The following MAP3K15 variants were observed in gnomAD, a reference collection of about 807,000 sequenced individuals.
The protein encoded by MAP3K15 is mitogen-activated protein kinase kinase kinase 15.
MAP3K15 carries 124 observed loss-of-function variants against 99.5 expected under a neutral mutation model. That is an observed-to-expected ratio of 1.25 (90% CI 1.08 to 1.45). MAP3K15 has a LOEUF of 1.45. Ranked by LOEUF, MAP3K15 falls within the 40% of genes most tolerant of loss-of-function variation. MAP3K15 has a pLI of 0.00. For missense variants in MAP3K15, 1,242 were observed against 1,079.7 expected, an observed-to-expected ratio of 1.15 and a Z score of -2.11; for synonymous variants, 494 against 439.6, an observed-to-expected ratio of 1.12 and a Z score of -1.55.
chrX:19,373,107 T>G (rs1269628515), intron 21 of MAP3K15: 222 of 115,974 alleles, frequency 1.9e-3, no homozygotes, highest in African/African-American at 5.1e-3. Context: ...GAAGGAGAGG[T>G]GAGGGAGGGA....
intron 16 of MAP3K15, among the ~76,000 whole-genome samples, chrX:19,394,785 GTTGCTTTTTTTTTTT>G: frequency 2.2e-5 from 1 of 45,645 alleles, no homozygotes; most frequent in African/African-American, 9.1e-5. Context: ...TAAAGGGTCT[GTTGCTTTTTTTTTTT>G]TTTTTTTTTT....
chrX:19,473,764 T>C (rs1206782145), intron 3 of MAP3K15, among the ~76,000 whole-genome samples: 1 of 111,893 alleles, frequency 8.9e-6, no homozygotes, highest in African/African-American at 3.2e-5. Flanking sequence ...CCAGAACTAC[T>C]ACCATCTACA....
At chrX:19,411,968 A>T (rs1569214915) in intron 11 of MAP3K15, among the ~76,000 whole-genome samples, 1 of 112,210 alleles carries the variant, frequency 8.9e-6, no homozygotes, top group Non-Finnish European at 1.9e-5. Flanking sequence ...GAAAGCCAGC[A>T]AATCACATCC....
intron 1 of MAP3K15, among the ~76,000 whole-genome samples, chrX:19,507,610 A>AAG (rs2064487550): frequency 1.1e-5 from 1 of 90,717 alleles, no homozygotes; most frequent in African/African-American, 4.0e-5. Flanking sequence ...AAAAAAAAAA[A>AAG]GAACAACTAA....
intron 9 of MAP3K15, among the ~76,000 whole-genome samples, chrX:19,424,275 T>C (rs2063811836): frequency 9.6e-6 from 1 of 104,601 alleles, no homozygotes; most frequent in Non-Finnish European, 1.9e-5. Context: ...TACACACATA[T>C]ATACACACAT....
At chrX:19,424,047 T>C (rs1327251935) in intron 9 of MAP3K15, among the ~76,000 whole-genome samples, 1 of 110,892 alleles carries the variant, frequency 9.0e-6, no homozygotes, top group Admixed American at 9.7e-5. Flanking sequence ...ACTGGAAGCT[T>C]GCACGTGGTC....
chrX:19,462,034 C>G (rs899557571), intron 4 of MAP3K15, among the ~76,000 whole-genome samples: 1 of 78,304 alleles, frequency 1.3e-5, no homozygotes, highest in Non-Finnish European at 2.6e-5. Context: ...CACACACACA[C>G]ACACAAAACA....
intron 1 of MAP3K15, among the ~76,000 whole-genome samples, chrX:19,490,934 G>T (rs1473759741): frequency 1.8e-5 from 2 of 111,126 alleles, no homozygotes; most frequent in Non-Finnish European, 3.8e-5. Context: ...AAGTTTGATG[G>T]GAGCTTCCTT....
Position 19,457,008 on chromosome X carries a change from C to T in MAP3K15, c.900G>A (p.Ala300=), listed in dbSNP as rs1231393685. The change falls in exon 6 of 29, where the codon GCG becomes GCA. Residue 300 remains alanine, a synonymous_variant. Coordinates refer to ENST00000338883, the MANE Select transcript of MAP3K15 (RefSeq NM_001001671.4). ...LSYRDIQDYD[A]MVKLVETLEM... is the part of the protein sequence containing the mutation. Reference sequence around the variant, plus strand: ...CCAGTGTTTCCACCAGCTTCACCATCGCATCATAGTCCTGTTGGCAAGAGG... The same window carrying T: ...CCAGTGTTTCCACCAGCTTCACCATTGCATCATAGTCCTGTTGGCAAGAGG... The T allele has an allele frequency of 4.2e-6, 5 of 1,189,994 alleles. No homozygotes were observed. In the African/African-American group the frequency reaches 7.0e-5, roughly 17 times the overall value.
In MAP3K15 at chrX:19,484,796, T is replaced by C. The variant is rs1285434789; in HGVS notation, c.525+1686A>G. Among the ~76,000 whole-genome samples, 4 of 112,141 alleles carry C rather than the reference T, an allele frequency of 3.6e-5. No homozygotes were observed. In the East Asian group the frequency reaches 1.1e-3, roughly 31 times the overall value. On this transcript the variant is annotated intron_variant, in intron 3 of 28. Coordinates refer to ENST00000338883, the MANE Select transcript of MAP3K15 (RefSeq NM_001001671.4). ...CATCTTTTTGCTTGTATAACAAATA[T>C]GGAACTACAGATGTTGAGGGCTAGA...
intron 6 of MAP3K15, among the ~76,000 whole-genome samples, chrX:19,436,166 AAAG>A (rs199819224): frequency 0.059 from 5,482 of 92,800 alleles, 422 homozygotes; most frequent in African/African-American, 0.28. Context: ...AAAAAAAAAA[AAAG>A]AAAGAAAGAA....
chrX:19,419,992 G>A (rs1259444932), intron 9 of MAP3K15, among the ~76,000 whole-genome samples: 1 of 111,714 alleles, frequency 9.0e-6, no homozygotes, highest in Non-Finnish European at 1.9e-5. Context: ...TGAAACCAAT[G>A]AGAAAAAAGA....
At chrX:19,367,766 T>C (rs1421043454) in intron 25 of MAP3K15, among the ~76,000 whole-genome samples, 1 of 83,325 alleles carries the variant, frequency 1.2e-5, no homozygotes, top group Non-Finnish European at 2.2e-5. Context: ...TTTTTTTTTT[T>C]GAGACAGAGT....
Position 19,361,497 on chromosome X carries a change from T to A in MAP3K15, c.3776A>T (p.Glu1259Val). Residue 1259 changes from glutamate (E) to valine (V), a missense_variant, in exon 27 of 29, where the codon GAA becomes GTA. Glu to Val is a moderately radical substitution (Grantham distance 121). Coordinates refer to ENST00000338883, the MANE Select transcript of MAP3K15 (RefSeq NM_001001671.4). ...ATTTCTTTGTTGTAAATTTACCTTT[T>A]CAATTGTCTTTGCATCAGCTCCTTG... ...RLQGADAKTI[E>V]KIVEEGYTLS... The A allele has an allele frequency of 1.7e-6, 2 of 1,208,937 alleles. No individual in the cohort carries two copies. The highest frequency in any genetic ancestry group is 2.2e-6 in the Non-Finnish European group (2 of 892,901).
At chrX:19,394,789 C>CTTTTTTTTTTT (rs144723219) in intron 16 of MAP3K15, among the ~76,000 whole-genome samples, 1 of 17,524 alleles carries the variant, frequency 5.7e-5, no homozygotes, top group African/African-American at 1.4e-4. Flanking sequence ...GGGTCTGTTG[C>CTTTTTTTTTTT]TTTTTTTTTT....
rs747289987 is a variant in MAP3K15 at position 19,471,082 on chromosome X, G to GA, written c.526-6677dup. Among the ~76,000 whole-genome samples, 3 of 111,063 alleles carry GA rather than the reference G, an allele frequency of 2.7e-5. 1 individual carries two copies. In the South Asian group the frequency reaches 1.1e-3, roughly 42 times the overall value. ...GAAATAATCAGCAAACTTGAAGATA[G>GA]AAAAATAGAGATATGCAATCTGAAG... On this transcript the variant is annotated intron_variant, in intron 3 of 28. Transcript: ENST00000338883.
At chrX:19,411,950 G>A (rs1268275667) in intron 11 of MAP3K15, among the ~76,000 whole-genome samples, 1 of 112,107 alleles carries the variant, frequency 8.9e-6, no homozygotes, top group African/African-American at 3.2e-5. Context: ...AAGAGGGTAG[G>A]AGAATATGAA....
chrX:19,501,001 C>T (rs1015909199), intron 1 of MAP3K15, among the ~76,000 whole-genome samples: 8 of 111,881 alleles, frequency 7.2e-5, no homozygotes, highest in African/African-American at 2.6e-4. Flanking sequence ...ACATAACTAA[C>T]GTGAGGAAAG....
chrX:19,509,984 A>C (rs1156373424), intron 1 of MAP3K15, among the ~76,000 whole-genome samples: 2 of 112,218 alleles, frequency 1.8e-5, no homozygotes, highest in Non-Finnish European at 3.8e-5. Context: ...CAAATAAACT[A>C]GAAAATCTAG....
Sources: allele counts gnomAD v4.1 joint callset (sites outside exome capture counted in the v4.1 genomes callset), GRCh38; gene constraint gnomAD v4.1.1; transcripts MANE v1.5; gene names NCBI Gene and HGNC (gene_info 2026-07-23, HGNC 2026-07-21).